The following SLC24A2 variants were observed in gnomAD, a reference collection of about 807,000 sequenced individuals.
SLC24A2 encodes the protein solute carrier family 24 member 2, also known as sodium/potassium/calcium exchanger 2.
SLC24A2 carries 36 observed loss-of-function variants against 62.0 expected under a neutral mutation model. That is an observed-to-expected ratio of 0.58 (90% CI 0.44 to 0.77). SLC24A2 has a LOEUF of 0.77. Among genes scored for constraint, SLC24A2 ranks in the 30% least tolerant of loss-of-function variants. SLC24A2 has a pLI of 0.00. For missense variants in SLC24A2, 846 were observed against 817.9 expected (o/e 1.03, Z -0.42); for synonymous variants, 358 against 294.0 (o/e 1.22, Z -2.23).
chr9:20,251,699 CA>C, the SLC24A2 span, among the ~76,000 whole-genome samples: 362 of 152,170 alleles, frequency 2.4e-3, 2 homozygotes, highest in African/African-American at 8.2e-3. Context: ...TTGATTCAAA[CA>C]AAAAAATATT....
the SLC24A2 span, among the ~76,000 whole-genome samples, chr9:20,237,817 T>C: frequency 6.6e-6 from 1 of 152,170 alleles, no homozygotes; most frequent in Non-Finnish European, 1.5e-5. Context: ...GCCCTCTAGA[T>C]AGAAGTAGTC....
intron 2 of SLC24A2, among the ~76,000 whole-genome samples, chr9:19,625,251 A>G (rs1818004643): frequency 1.3e-5 from 2 of 152,204 alleles, no homozygotes; most frequent in South Asian, 4.1e-4. Context: ...TGAAAGCCCA[A>G]TTCCTGGTAG....
At chr9:19,855,318 T>C in the SLC24A2 span, among the ~76,000 whole-genome samples, 1 of 152,212 alleles carries the variant, frequency 6.6e-6, no homozygotes. Context: ...ATGTGTGAAT[T>C]TGATCCTGTC....
chr9:20,275,219 G>A, the SLC24A2 span, among the ~76,000 whole-genome samples: 3 of 152,148 alleles, frequency 2.0e-5, no homozygotes, highest in Non-Finnish European at 2.9e-5. Flanking sequence ...GCAAACAAGT[G>A]AGGAGAGAGA....
At position 19,517,910 on chromosome 9, in the gene SLC24A2, AACACACACACAC is replaced by A. The variant is rs56840950; in HGVS notation, c.1737-1520_1737-1509del. On this transcript the variant is annotated intron_variant, in intron 10 of 10. Coordinates refer to ENST00000341998, the MANE Select transcript of SLC24A2 (RefSeq NM_020344.4). Reference sequence around the variant, plus strand: ...CCAAAACCCATTTTATTCTTATTAAAACACACACACACACACACACACACACACACACACACA... The same window carrying A: ...CCAAAACCCATTTTATTCTTATTAAAACACACACACACACACACACACACA... Among the ~76,000 whole-genome samples the A allele has an allele frequency of 6.4e-3, 845 of 131,716 alleles. 10 individuals are homozygous for A. Among genetic ancestry groups the A allele is most frequent in the Middle Eastern group, 0.026 (7 of 268 alleles). The allele number at this position is 131,716 out of a possible 152,430, so 86.4% of individuals were successfully genotyped here. A position where few individuals can be genotyped will look rare whatever the true frequency, so the allele number is the denominator to read the frequency against.
the SLC24A2 span, among the ~76,000 whole-genome samples, chr9:19,916,066 G>A: frequency 2.7e-4 from 41 of 152,042 alleles, no homozygotes; most frequent in Non-Finnish European, 3.2e-4. Context: ...CCTTAGATCC[G>A]TTAGAGATAA....
At chr9:20,054,166 T>C in the SLC24A2 span, among the ~76,000 whole-genome samples, 2 of 152,024 alleles carry the variant, frequency 1.3e-5, no homozygotes. Context: ...CTTTTCTTTT[T>C]TCTTTTTCTT....
chr9:20,055,407 C>G, the SLC24A2 span, among the ~76,000 whole-genome samples: 4 of 152,080 alleles, frequency 2.6e-5, no homozygotes, highest in African/African-American at 9.7e-5. Flanking sequence ...AGGCACTGTC[C>G]AAATCATCTT....
chr9:20,237,310 G>C, the SLC24A2 span, among the ~76,000 whole-genome samples: 1 of 152,198 alleles, frequency 6.6e-6, no homozygotes, highest in Middle Eastern at 3.2e-3. Context: ...CACTGTGCTA[G>C]GTAAAGGTAG....
the SLC24A2 span, among the ~76,000 whole-genome samples, chr9:19,909,328 G>A: frequency 6.6e-6 from 1 of 150,914 alleles, no homozygotes; most frequent in Non-Finnish European, 1.5e-5. Flanking sequence ...ACAGGGGCCT[G>A]TTGTGGGGGA....
the SLC24A2 span, among the ~76,000 whole-genome samples, chr9:19,930,500 T>A: frequency 6.6e-6 from 1 of 152,152 alleles, no homozygotes; most frequent in Non-Finnish European, 1.5e-5. Context: ...TTTCTCAGAT[T>A]GTGTCCCCAT....
At chr9:19,544,107 A>G (rs1453936901) in intron 8 of SLC24A2, among the ~76,000 whole-genome samples, 1 of 151,988 alleles carries the variant, frequency 6.6e-6, no homozygotes, top group Non-Finnish European at 1.5e-5. Context: ...ATGAACTTGG[A>G]TGCTCCTGAA....
the SLC24A2 span, among the ~76,000 whole-genome samples, chr9:20,146,430 AATTT>A: frequency 6.6e-6 from 1 of 152,086 alleles, no homozygotes; most frequent in African/African-American, 2.4e-5. Context: ...ATAATTAGAT[AATTT>A]ATTATTGCCT....
chr9:19,596,048 G>C (rs375568628), intron 5 of SLC24A2, among the ~76,000 whole-genome samples: 1 of 152,130 alleles, frequency 6.6e-6, no homozygotes, highest in South Asian at 2.1e-4. Flanking sequence ...TGCTGCTTTA[G>C]AAAATATCAT....
At chr9:19,661,848 A>T (rs532991942) in intron 2 of SLC24A2, among the ~76,000 whole-genome samples, 1 of 152,214 alleles carries the variant, frequency 6.6e-6, no homozygotes. Context: ...CTATCAACCT[A>T]TGTGAGTGTA....
chr9:19,605,550 G>C (rs1325866391), intron 4 of SLC24A2, among the ~76,000 whole-genome samples: 1 of 152,206 alleles, frequency 6.6e-6, no homozygotes. Context: ...TTATAGATAG[G>C]TATACCAGGA....
intron 2 of SLC24A2, among the ~76,000 whole-genome samples, chr9:19,782,094 A>G (rs529055554): frequency 6.6e-6 from 1 of 152,208 alleles, no homozygotes; most frequent in African/African-American, 2.4e-5. Context: ...TGTGCCCTTC[A>G]TTAGAACCAG....
chr9:19,807,398 A>G, the SLC24A2 span, among the ~76,000 whole-genome samples: 11 of 152,300 alleles, frequency 7.2e-5, no homozygotes, highest in African/African-American at 2.6e-4. Flanking sequence ...GTGATATTTT[A>G]TTTTGCTTTT....
At chr9:19,802,078 T>C in the SLC24A2 span, among the ~76,000 whole-genome samples, 2 of 152,214 alleles carry the variant, frequency 1.3e-5, no homozygotes, top group African/African-American at 2.4e-5. Flanking sequence ...AATATAAACT[T>C]TAGAGTAAAT....
Sources: gnomAD v4.1 joint callset for allele counts (sites outside exome capture counted in the v4.1 genomes callset) on GRCh38, gnomAD v4.1.1 for gene constraint, MANE v1.5 for transcripts, NCBI Gene and HGNC (gene_info 2026-07-23, HGNC 2026-07-21) for gene names.